Variants in HEMK2 observed in about 807,000 individuals in gnomAD.
The protein encoded by HEMK2 is HemK methyltransferase 2, ETF1 glutamine and histone H4 lysine.
chr21:28,688,729 G>C, the HEMK2 span, among the ~76,000 whole-genome samples: 1 of 152,140 alleles, frequency 6.6e-6, no homozygotes, highest in Admixed American at 6.6e-5. Context: ...TTTATGCTAT[G>C]ACTAAAGAAG....
the HEMK2 span, among the ~76,000 whole-genome samples, chr21:28,628,915 C>A: frequency 6.6e-6 from 1 of 152,178 alleles, no homozygotes; most frequent in African/African-American, 2.4e-5. Flanking sequence ...ATTGAGCTTG[C>A]AGTATTAAAG....
chr21:28,626,753 T>C, the HEMK2 span: 2 of 152,012 alleles, frequency 1.3e-5, no homozygotes, highest in East Asian at 3.9e-4. Context: ...AAAAAAGAAA[T>C]ACAAGTAGCC....
chr21:28,783,465 A>G, the HEMK2 span, among the ~76,000 whole-genome samples: 1 of 152,236 alleles, frequency 6.6e-6, no homozygotes, highest in Non-Finnish European at 1.5e-5. Context: ...GATTACAGGC[A>G]TGAGCCACTG....
the HEMK2 span, among the ~76,000 whole-genome samples, chr21:28,808,197 C>A: frequency 6.9e-3 from 1,043 of 152,252 alleles, 15 homozygotes; most frequent in African/African-American, 0.024. Context: ...TCAACAAAAA[C>A]TCCCATGAGG....
At chr21:28,879,755 A>T in the HEMK2 span, 1 of 711,486 alleles carries the variant, frequency 1.4e-6, no homozygotes, top group Non-Finnish European at 2.2e-6. Context: ...TTAGGAGTAA[A>T]ATCAGAGTAG....
chr21:28,755,166 T>C, the HEMK2 span, among the ~76,000 whole-genome samples: 1 of 152,242 alleles, frequency 6.6e-6, no homozygotes, highest in Non-Finnish European at 1.5e-5. Flanking sequence ...ATAGGATTTT[T>C]CCAAAATGAG....
the HEMK2 span, among the ~76,000 whole-genome samples, chr21:28,706,214 C>A: frequency 6.6e-6 from 1 of 152,198 alleles, no homozygotes; most frequent in African/African-American, 2.4e-5. Context: ...GTCTCTAAAT[C>A]TCCTCTGTTT....
At chr21:28,840,682 C>A in the HEMK2 span, among the ~76,000 whole-genome samples, 5 of 151,862 alleles carry the variant, frequency 3.3e-5, no homozygotes, top group South Asian at 1.0e-3. Context: ...TGGCCATAAT[C>A]AAAAAATCAA....
the HEMK2 span, among the ~76,000 whole-genome samples, chr21:28,708,563 T>C: frequency 1.3e-5 from 2 of 152,198 alleles, no homozygotes; most frequent in Non-Finnish European, 2.9e-5. Context: ...GAAGGATAGC[T>C]ATGACAGTTG....
chr21:28,600,520 G>T, the HEMK2 span, among the ~76,000 whole-genome samples: 1 of 152,170 alleles, frequency 6.6e-6, no homozygotes, highest in African/African-American at 2.4e-5. Context: ...CCAAGCCCCT[G>T]GGCCTGTGAT....
At chr21:28,625,864 C>T in the HEMK2 span, among the ~76,000 whole-genome samples, 97 of 151,996 alleles carry the variant, frequency 6.4e-4, no homozygotes, top group African/African-American at 2.2e-3. Flanking sequence ...AGAAATGTAA[C>T]AACAAGGATG....
At chr21:28,706,493 C>A in the HEMK2 span, among the ~76,000 whole-genome samples, 1 of 152,106 alleles carries the variant, frequency 6.6e-6, no homozygotes, top group East Asian at 1.9e-4. Context: ...CTTTACTCAT[C>A]TTGGAAACAG....
the HEMK2 span, among the ~76,000 whole-genome samples, chr21:28,583,798 A>C: frequency 9.4e-3 from 1,433 of 152,280 alleles, 28 homozygotes; most frequent in African/African-American, 0.033. Flanking sequence ...TATGCTCAAG[A>C]ACAGAAAGCA....
At chr21:28,660,974 T>A in the HEMK2 span, among the ~76,000 whole-genome samples, 3 of 152,146 alleles carry the variant, frequency 2.0e-5, no homozygotes, top group East Asian at 5.8e-4. Context: ...TAAATTTTTT[T>A]CTAGAAATAG....
At chr21:28,611,442 G>C in the HEMK2 span, among the ~76,000 whole-genome samples, 3,557 of 152,158 alleles carry the variant, frequency 0.023, 157 homozygotes, top group African/African-American at 0.081. Context: ...ATCATTCAAG[G>C]CTACTATGGA....
At chr21:28,730,223 A>G in the HEMK2 span, among the ~76,000 whole-genome samples, 1 of 151,488 alleles carries the variant, frequency 6.6e-6, no homozygotes, top group Admixed American at 6.6e-5. Flanking sequence ...CACAAAAAAA[A>G]AGTTTTAATT....
the HEMK2 span, among the ~76,000 whole-genome samples, chr21:28,756,709 T>C: frequency 6.6e-6 from 1 of 152,166 alleles, no homozygotes; most frequent in Non-Finnish European, 1.5e-5. Flanking sequence ...CCTTCTAGGG[T>C]AAAACAATAG....
the HEMK2 span, among the ~76,000 whole-genome samples, chr21:28,867,337 A>C: frequency 6.6e-6 from 1 of 152,224 alleles, no homozygotes; most frequent in South Asian, 2.1e-4. Flanking sequence ...CAAAAATATT[A>C]AGCAGAAAAC....
the HEMK2 span, among the ~76,000 whole-genome samples, chr21:28,769,705 C>G: frequency 1.3e-5 from 2 of 152,074 alleles, no homozygotes; most frequent in Non-Finnish European, 2.9e-5. Flanking sequence ...TTAACCAAAT[C>G]TACAAAGTGT....
Sources: allele counts gnomAD v4.1 joint callset (sites outside exome capture counted in the v4.1 genomes callset), GRCh38; gene constraint gnomAD v4.1.1; transcripts MANE v1.5; gene names NCBI Gene and HGNC (gene_info 2026-07-23, HGNC 2026-07-21).